Variants in RAB38 observed in about 807,000 individuals in gnomAD.
RAB38 encodes the protein ras-related protein Rab-38.
In RAB38, 15 loss-of-function variants were observed where a neutral mutation model predicts 18.4. The observed-to-expected ratio is 0.82, with a 90% confidence interval of 0.55 to 1.26. The LOEUF (loss-of-function observed/expected upper bound fraction) is 1.26, where lower values mean the gene tolerates loss of function less well. Among genes scored for constraint, RAB38 ranks in the 50% most tolerant of loss-of-function variants. The pLI is 0.00. For missense variants in RAB38, 294 were observed against 267.4 expected, an observed-to-expected ratio of 1.10 and a Z score of -0.69; for synonymous variants, 101 against 104.4, an observed-to-expected ratio of 0.97 and a Z score of 0.20.
chr11:88,042,796 C>A, the RAB38 span, among the ~76,000 whole-genome samples: 7 of 152,320 alleles, frequency 4.6e-5, no homozygotes, highest in African/African-American at 1.7e-4. Context: ...GGTAGGTTTT[C>A]TTTTGTGAAC....
At chr11:87,844,785 C>G in the RAB38 span, among the ~76,000 whole-genome samples, 8 of 152,058 alleles carry the variant, frequency 5.3e-5, no homozygotes, top group African/African-American at 1.4e-4. Flanking sequence ...ATAGGCAAGC[C>G]TTAACATAAA....
At position 88,144,997 on chromosome 11, in the gene RAB38, C is replaced by G. The variant is rs199783401; in HGVS notation, c.483+4678G>C. Among the ~76,000 whole-genome samples the G allele has an allele frequency of 2.6e-5, 4 of 152,230 alleles. No homozygotes were observed. The East Asian group carries it at 7.7e-4, about 29-fold the overall frequency. On this transcript the variant is annotated intron_variant, in intron 2 of 2. Transcript: ENST00000243662. ...TAAGGTACAGAAACAGACCTTTTCA[C>G]CAGAGTATGGCTGTTGTGTGCATCA...
At chr11:87,898,796 C>G in the RAB38 span, among the ~76,000 whole-genome samples, 11 of 151,588 alleles carry the variant, frequency 7.3e-5, 1 homozygote, top group South Asian at 2.3e-3. Context: ...TTACTGTAAT[C>G]CACCACAGCA....
chr11:87,848,149 T>G, the RAB38 span, among the ~76,000 whole-genome samples: 1 of 152,172 alleles, frequency 6.6e-6, no homozygotes, highest in Non-Finnish European at 1.5e-5. Context: ...CATCCCTGAT[T>G]TGCAGCTTTC....
chr11:87,823,441 T>C, the RAB38 span, among the ~76,000 whole-genome samples: 1 of 152,016 alleles, frequency 6.6e-6, no homozygotes, highest in Non-Finnish European at 1.5e-5. Context: ...GAAAATTCAA[T>C]GGATGTAGAA....
the RAB38 span, among the ~76,000 whole-genome samples, chr11:87,816,761 C>T: frequency 1.3e-5 from 2 of 151,950 alleles, no homozygotes; most frequent in Non-Finnish European, 2.9e-5. Flanking sequence ...TTCTGAAGAA[C>T]CCTTAATAAT....
the RAB38 span, among the ~76,000 whole-genome samples, chr11:87,893,319 CAT>C: frequency 2.9e-5 from 4 of 137,254 alleles, no homozygotes; most frequent in African/African-American, 1.0e-4. Flanking sequence ...TATACACACA[CAT>C]ACATATATAT....
the RAB38 span, among the ~76,000 whole-genome samples, chr11:88,102,330 C>CCCTTCTAT: frequency 6.6e-6 from 1 of 152,012 alleles, no homozygotes; most frequent in South Asian, 2.1e-4. Context: ...GGGACCTGAA[C>CCCTTCTAT]CCTTCTATCT....
the RAB38 span, among the ~76,000 whole-genome samples, chr11:87,872,780 T>C: frequency 3.3e-5 from 5 of 151,732 alleles, no homozygotes; most frequent in East Asian, 9.8e-4. Context: ...CTCTTTGTGG[T>C]TTGATAGCTC....
the RAB38 span, among the ~76,000 whole-genome samples, chr11:87,976,284 A>G: frequency 1.4e-5 from 2 of 144,794 alleles, no homozygotes; most frequent in East Asian, 2.0e-4. Flanking sequence ...GTGTATATAT[A>G]TATATACATA....
At chr11:88,004,743 A>C in the RAB38 span, among the ~76,000 whole-genome samples, 1 of 151,384 alleles carries the variant, frequency 6.6e-6, no homozygotes, top group African/African-American at 2.4e-5. Context: ...TTTTCAAGTA[A>C]ACTCAAAGGA....
the RAB38 span, among the ~76,000 whole-genome samples, chr11:88,011,314 G>C: frequency 2.6e-5 from 4 of 152,146 alleles, no homozygotes; most frequent in African/African-American, 4.8e-5. Context: ...TATAAGATAG[G>C]GTTCTTGTTT....
At chr11:88,037,694 C>A in the RAB38 span, among the ~76,000 whole-genome samples, 1 of 152,084 alleles carries the variant, frequency 6.6e-6, no homozygotes, top group Non-Finnish European at 1.5e-5. Context: ...CAGTATGGGT[C>A]TTTTGTGTCT....
chr11:87,879,792 G>C, the RAB38 span: 1 of 151,716 alleles, frequency 6.6e-6, no homozygotes, highest in Non-Finnish European at 1.5e-5. Flanking sequence ...GCGAGTGGCT[G>C]TTTTAACCAT....
the RAB38 span, among the ~76,000 whole-genome samples, chr11:88,033,409 AT>A: frequency 6.6e-6 from 1 of 152,086 alleles, no homozygotes; most frequent in Admixed American, 6.6e-5. Flanking sequence ...AAAAGAAAGT[AT>A]TTGATTAACA....
chr11:88,032,260 C>G, the RAB38 span, among the ~76,000 whole-genome samples: 8 of 152,128 alleles, frequency 5.3e-5, no homozygotes, highest in Non-Finnish European at 1.2e-4. Context: ...AATGTTAGAC[C>G]TAAAACCATA....
chr11:87,921,701 T>A, the RAB38 span, among the ~76,000 whole-genome samples: 1 of 151,708 alleles, frequency 6.6e-6, no homozygotes, highest in East Asian at 1.9e-4. Context: ...CATCCTTGCA[T>A]CCCCAGGTCC....
intron 2 of RAB38, among the ~76,000 whole-genome samples, chr11:88,137,167 C>T (rs1484926625): frequency 6.6e-6 from 1 of 152,152 alleles, no homozygotes; most frequent in African/African-American, 2.4e-5. Context: ...AAAGCAAAAC[C>T]CACAAATCAA....
At chr11:88,053,338 AT>A in the RAB38 span, among the ~76,000 whole-genome samples, 1 of 108,572 alleles carries the variant, frequency 9.2e-6, no homozygotes, top group East Asian at 2.3e-4. Flanking sequence ...ACACATATAT[AT>A]GGAATATATA....
Sources: allele counts gnomAD v4.1 joint callset (sites outside exome capture counted in the v4.1 genomes callset), GRCh38; gene constraint gnomAD v4.1.1; transcripts MANE v1.5; gene names NCBI Gene and HGNC (gene_info 2026-07-23, HGNC 2026-07-21).